The following SLC16A9 variants were observed in gnomAD, a reference collection of about 807,000 sequenced individuals.
SLC16A9 encodes the protein monocarboxylate transporter 9.
SLC16A9 carries 26 observed loss-of-function variants against 44.3 expected under a neutral mutation model. The observed-to-expected ratio is 0.59, with a 90% confidence interval of 0.43 to 0.81. The LOEUF (loss-of-function observed/expected upper bound fraction) is 0.81. SLC16A9 is among the 40% of genes least tolerant of loss of function. SLC16A9 has a pLI of 0.00. For synonymous variants in SLC16A9, 230 were observed against 225.1 expected, an observed-to-expected ratio of 1.02 and a Z score of -0.19; for missense variants, 559 against 595.8, an observed-to-expected ratio of 0.94 and a Z score of 0.64.
intron 2 of SLC16A9, among the ~76,000 whole-genome samples, chr10:59,676,895 C>A (rs549293495): frequency 4.1e-5 from 6 of 147,096 alleles, no homozygotes; most frequent in Non-Finnish European, 8.9e-5. Context: ...TGTGCTCCAG[C>A]CTGGGCAATG....
intron 2 of SLC16A9, among the ~76,000 whole-genome samples, chr10:59,679,714 A>G (rs956644578): frequency 2.0e-5 from 3 of 152,220 alleles, no homozygotes; most frequent in Non-Finnish European, 4.4e-5. Flanking sequence ...TAACCTAGCC[A>G]AGTTGAAACA....
At chr10:59,664,403 G>C (rs185422847) in intron 3 of SLC16A9, 81 bp from the exon 4 acceptor site, 3 of 884,466 alleles carry the variant, frequency 3.4e-6, no homozygotes, top group Admixed American at 2.2e-5. Context: ...AAGTATGTCC[G>C]ATAAGACATT....
intron 1 of SLC16A9, among the ~76,000 whole-genome samples, chr10:59,698,732 CTTTT>C (rs1020298939): frequency 6.9e-6 from 1 of 144,586 alleles, no homozygotes; most frequent in African/African-American, 2.5e-5. Flanking sequence ...CTTTGTCTCT[CTTTT>C]TTTTTTTTTC....
At chr10:59,692,708 C>G (rs929705546) in intron 1 of SLC16A9, among the ~76,000 whole-genome samples, 1 of 152,324 alleles carries the variant, frequency 6.6e-6, no homozygotes. Flanking sequence ...TGATATCACT[C>G]TTTCCCTCAA....
In SLC16A9 at chr10:59,653,878, C is replaced by T; in HGVS notation, c.1148G>A (p.Gly383Asp). ...AAATGGAATTGCACACAAGGCTAGG[C>T]CCATGATGATTAAGGTAGCAACATA... ...YLYVATLIIM[G>D]LALCAIPFAK... Residue 383 changes from glycine to aspartate, a missense_variant, in exon 5 of 6, where the codon GGC becomes GAC. Physicochemically the swap from Gly to Asp is moderately conservative, Grantham distance 94 (BLOSUM62 -1). Transcript: ENST00000395348. 1 of 1,614,124 alleles carries T rather than the reference C, an allele frequency of 6.2e-7. No individual in the cohort carries two copies. Among genetic ancestry groups the T allele is most frequent in the Non-Finnish European group, 8.5e-7 (1 of 1,180,030 alleles).
rs1839778799 is a variant in SLC16A9 at position 59,672,754 on chromosome 10, T to A, written c.340+16A>T. On this transcript the variant is annotated intron_variant, in intron 3 of 5. Transcript: ENST00000395348. Reference sequence around the variant, plus strand: ...CTCTTGAAGGTTAGGAAAGTCATAGTGACGAGGTTCCTTACCTACAACAAT... The same window carrying A: ...CTCTTGAAGGTTAGGAAAGTCATAGAGACGAGGTTCCTTACCTACAACAAT... The A allele has an allele frequency of 6.2e-7, 1 of 1,606,608 alleles. No homozygotes were observed. The highest frequency in any genetic ancestry group is 2.2e-5 in the East Asian group (1 of 44,664).
chr10:59,704,114 C>A (rs182498148), intron 1 of SLC16A9, among the ~76,000 whole-genome samples: 1 of 152,146 alleles, frequency 6.6e-6, no homozygotes, highest in Non-Finnish European at 1.5e-5. Context: ...TAACACTGGG[C>A]CCTCATTCTT....
intron 2 of SLC16A9, among the ~76,000 whole-genome samples, chr10:59,681,541 ATG>A: frequency 1.6e-5 from 2 of 126,878 alleles, no homozygotes; most frequent in Non-Finnish European, 1.7e-5. Flanking sequence ...GTGTATGTGT[ATG>A]TATATGTATA....
chr10:59,704,906 T>A (rs1448921784), intron 1 of SLC16A9, among the ~76,000 whole-genome samples: 1 of 152,256 alleles, frequency 6.6e-6, no homozygotes, highest in Non-Finnish European at 1.5e-5. Flanking sequence ...ATGTACAAAG[T>A]AGTATGTTTA....
rs1214338478 is a variant in SLC16A9, at chr10:59,654,149, A to C, written c.877T>G (p.Tyr293Asp). 6.2e-7 allele frequency: 1 copy of C among 1,614,124 alleles called. No homozygotes were observed. Among genetic ancestry groups the C allele is most frequent in the Admixed American group, 1.7e-5 (1 of 60,030 alleles). Reference protein sequence around the residue: ...AKRKWQLYKNYCGETVALFKN... With the variant: ...AKRKWQLYKNDCGETVALFKN... ...AAAAGAGCCACAGTTTCACCACAGT[A>C]GTTTTTATATAACTGCCACTTCCTC... is the stretch of plus-strand genomic sequence containing the variant. Residue 293 changes from tyrosine (Y) to aspartate (D), a missense_variant, in exon 5 of 6, where the codon TAC becomes GAC. Transcript: ENST00000395348.
chr10:59,664,128 G>A (rs1257494862), intron 4 of SLC16A9, 99 bp downstream of exon 4: 1 of 573,702 alleles, frequency 1.7e-6, no homozygotes, highest in African/African-American at 1.9e-5. Flanking sequence ...CTGATTGGTA[G>A]CTGGGTAATG....
chr10:59,676,012 C>T, intron 2 of SLC16A9, among the ~76,000 whole-genome samples: 1 of 152,200 alleles, frequency 6.6e-6, no homozygotes. Context: ...ACTTCTGCCC[C>T]CTGGCGGAAT....
intron 2 of SLC16A9, among the ~76,000 whole-genome samples, chr10:59,679,768 G>A (rs1359226303): frequency 2.0e-5 from 3 of 152,058 alleles, no homozygotes; most frequent in African/African-American, 7.2e-5. Flanking sequence ...CTCCTTTCCA[G>A]CCAAATTTAC....
rs182770294 is a variant in SLC16A9 at position 59,682,455 on chromosome 10, C to T, written c.196+1641G>A. 3.5e-3 allele frequency among the ~76,000 whole-genome samples: 537 copies of T among 151,908 alleles called. 1 individual carries two copies. Among genetic ancestry groups the T allele is most frequent in the Non-Finnish European group, 6.3e-3 (427 of 67,918 alleles). On this transcript the variant is annotated intron_variant, in intron 2 of 5. Coordinates refer to ENST00000395348, the MANE Select transcript of SLC16A9 (RefSeq NM_194298.3). ...ACGTGTAGAGCTGCAGTTGAATTGT[C>T]AAAAACAGTCAGCTTCAGCTCTGAC...
chr10:59,707,034 C>T (rs765677702), intron 1 of SLC16A9, among the ~76,000 whole-genome samples: 1 of 148,526 alleles, frequency 6.7e-6, no homozygotes, highest in Non-Finnish European at 1.5e-5. Context: ...CAGCTGGGCA[C>T]AGTGGCTCAT....
rs1459235306 is a variant in SLC16A9 at position 59,654,234 on chromosome 10, C to T, written c.792G>A (p.Glu264=). The T allele has an allele frequency of 1.9e-6, 3 of 1,614,086 alleles. No homozygotes were observed. Among genetic ancestry groups the T allele is most frequent in the Non-Finnish European group, 2.5e-6 (3 of 1,180,010 alleles). The change falls in exon 5 of 6, where the codon GAG becomes GAA. Residue 264 remains glutamate, a synonymous_variant. Coordinates refer to ENST00000395348, the MANE Select transcript of SLC16A9 (RefSeq NM_194298.3). ...CAACTTTCTTTTTGTACGTTTCAGG[C>T]TCTTTTGTGTGTGTCACTGTGGGGT... ...HKNPTVTHTK[E]PETYKKKVAE...
intron 1 of SLC16A9, among the ~76,000 whole-genome samples, chr10:59,697,519 A>G (rs2132534953): frequency 6.6e-6 from 1 of 151,470 alleles, no homozygotes; most frequent in Non-Finnish European, 1.5e-5. Context: ...TTTGTTAAAC[A>G]GATGCTTGAA....
chr10:59,653,444 A>AAAAAAAAAAAG (rs1564693243), intron 5 of SLC16A9, among the ~76,000 whole-genome samples: 1 of 149,020 alleles, frequency 6.7e-6, no homozygotes, highest in Non-Finnish European at 1.5e-5. Flanking sequence ...AAAAAAAAAA[A>AAAAAAAAAAAG]AGCAGGCATT....
At chr10:59,671,904 T>C (rs944691793) in intron 3 of SLC16A9, among the ~76,000 whole-genome samples, 1 of 152,196 alleles carries the variant, frequency 6.6e-6, no homozygotes, top group African/African-American at 2.4e-5. Flanking sequence ...ATATAAAGCA[T>C]TTAGCACAGT....
Sources: gnomAD v4.1 joint callset for allele counts (sites outside exome capture counted in the v4.1 genomes callset) on GRCh38, gnomAD v4.1.1 for gene constraint, MANE v1.5 for transcripts, NCBI Gene and HGNC (gene_info 2026-07-23, HGNC 2026-07-21) for gene names.